Variants in DENND2B observed in about 807,000 individuals in gnomAD.
DENND2B encodes DENN domain containing 2B.
A neutral mutation model predicts 116.0 loss-of-function variants in DENND2B; 32 were observed. That is an observed-to-expected ratio of 0.28 (90% confidence interval 0.21 to 0.37). The LOEUF (loss-of-function observed/expected upper bound fraction) is 0.37, where lower values mean the gene tolerates loss of function less well. DENND2B is among the 10% of genes least tolerant of loss of function. The pLI is 1.00. For missense variants in DENND2B, 1,276 were observed against 1,477.7 expected (o/e 0.86, Z 2.24); for synonymous variants, 588 against 583.9 (o/e 1.01, Z -0.10).
At chr11:8,739,030 T>C (rs2049671955) in intron 2 of DENND2B, among the ~76,000 whole-genome samples, 1 of 152,160 alleles carries the variant, frequency 6.6e-6, no homozygotes, top group East Asian at 1.9e-4. Context: ...CACCTGAAGG[T>C]GGTAACAGTA....
chr11:8,821,478 T>C (rs949706076), intron 4 of DENND2B, among the ~76,000 whole-genome samples: 9 of 149,706 alleles, frequency 6.0e-5, no homozygotes, highest in African/African-American at 1.2e-4. Context: ...ACACAGGAGG[T>C]TGAAGTAGGA....
upstream of DENND2B, among the ~76,000 whole-genome samples, chr11:8,871,607 A>C (rs978025109): frequency 1.3e-5 from 2 of 152,164 alleles, no homozygotes; most frequent in Admixed American, 1.3e-4. Flanking sequence ...TACAAAACCC[A>C]AATGAAATTC....
intron 2 of DENND2B, chr11:8,877,531 T>A (rs1333464670): frequency 6.6e-6 from 1 of 152,214 alleles, no homozygotes; most frequent in African/African-American, 2.4e-5. Context: ...AAGATAATTT[T>A]TTATTGGAAG....
intron 2 of DENND2B, among the ~76,000 whole-genome samples, chr11:8,857,854 T>C (rs1329543482): frequency 2.0e-5 from 3 of 152,226 alleles, no homozygotes; most frequent in Non-Finnish European, 4.4e-5. Flanking sequence ...ATTGGACTAG[T>C]TCACCCTATA....
intron 4 of DENND2B, among the ~76,000 whole-genome samples, chr11:8,834,191 A>C (rs1448963381): frequency 6.6e-6 from 1 of 152,262 alleles, no homozygotes; most frequent in African/African-American, 2.4e-5. Context: ...CCTGGAACCT[A>C]GTACAGTTTG....
At chr11:8,766,837 T>C (rs1351913107) in intron 1 of DENND2B, 5 of 393,432 alleles carry the variant, frequency 1.3e-5, no homozygotes, top group South Asian at 2.3e-5. Flanking sequence ...AATACAGTTA[T>C]AGAACTGGAA....
At chr11:8,736,886 G>C (rs958404015) in intron 2 of DENND2B, among the ~76,000 whole-genome samples, 11 of 152,194 alleles carry the variant, frequency 7.2e-5, no homozygotes, top group African/African-American at 2.7e-4. Flanking sequence ...GATGTGAGCA[G>C]GACAGTGACA....
At chr11:8,718,018 G>T in intron 4 of DENND2B, 126 bp from the exon 5 acceptor site, 2 of 1,079,428 alleles carry the variant, frequency 1.9e-6, no homozygotes, top group Non-Finnish European at 2.6e-6. Flanking sequence ...TGGCCCCTCA[G>T]CTCATGAGTC....
chr11:8,834,700 C>G (rs1201655518), intron 4 of DENND2B, among the ~76,000 whole-genome samples: 1 of 152,176 alleles, frequency 6.6e-6, no homozygotes, highest in Non-Finnish European at 1.5e-5. Flanking sequence ...TCAGTCTCTT[C>G]TAGAGCAACT....
chr11:8,752,039 C>A (rs1016716409), intron 1 of DENND2B, among the ~76,000 whole-genome samples: 27 of 152,334 alleles, frequency 1.8e-4, no homozygotes, highest in African/African-American at 6.5e-4. Context: ...TGACCTCATG[C>A]AGCTTACATC....
At chr11:8,755,457 T>C (rs2053447757) in intron 1 of DENND2B, among the ~76,000 whole-genome samples, 1 of 152,102 alleles carries the variant, frequency 6.6e-6, no homozygotes, top group Non-Finnish European at 1.5e-5. Context: ...GCTCTCAGGG[T>C]TGTGGTTTTA....
At chr11:8,895,834 G>C (rs981884842) in intron 1 of DENND2B, among the ~76,000 whole-genome samples, 1 of 151,902 alleles carries the variant, frequency 6.6e-6, no homozygotes, top group Non-Finnish European at 1.5e-5. Flanking sequence ...ATGTTGACCA[G>C]GCTGGTCTTG....
intron 3 of DENND2B, among the ~76,000 whole-genome samples, chr11:8,728,012 A>G (rs894758856): frequency 7.2e-6 from 1 of 138,924 alleles, no homozygotes; most frequent in African/African-American, 2.8e-5. Context: ...CACACACGCA[A>G]ATTTTTTTGA....
chr11:8,820,265 T>C (rs1438422266), intron 4 of DENND2B, among the ~76,000 whole-genome samples: 3 of 152,128 alleles, frequency 2.0e-5, no homozygotes, highest in Non-Finnish European at 2.9e-5. Context: ...ATATTACCCA[T>C]AGAAAACAGT....
intron 2 of DENND2B, among the ~76,000 whole-genome samples, chr11:8,864,432 T>A (rs2063509512): frequency 6.6e-6 from 1 of 152,098 alleles, no homozygotes. Flanking sequence ...CACGCTCGGC[T>A]AATTTTTGTA....
intron 4 of DENND2B, among the ~76,000 whole-genome samples, chr11:8,817,116 G>T (rs1031852883): frequency 2.0e-5 from 3 of 152,340 alleles, no homozygotes; most frequent in African/African-American, 7.2e-5. Flanking sequence ...TGGCCTGGAA[G>T]AGGACTAAGG....
At chr11:8,750,586 T>A (rs1396809813) in intron 2 of DENND2B, 35 bp downstream of exon 2, 2 of 1,590,810 alleles carry the variant, frequency 1.3e-6, no homozygotes, top group Non-Finnish European at 1.7e-6. Context: ...CCTAGGTCCC[T>A]TGATGCCACC....
At chr11:8,900,203 A>C (rs1231488111) in intron 1 of DENND2B, among the ~76,000 whole-genome samples, 1 of 151,914 alleles carries the variant, frequency 6.6e-6, no homozygotes, top group East Asian at 1.9e-4. Flanking sequence ...AGGCGGGTAG[A>C]TCACAAGGTC....
chr11:8,714,886 T>C, intron 6 of DENND2B, 180 bp from the exon 7 acceptor site: 1 of 585,158 alleles, frequency 1.7e-6, no homozygotes, highest in Non-Finnish European at 3.0e-6. Flanking sequence ...CAGCCATGCA[T>C]GGTAGCTCTC....
Sources: gnomAD v4.1 joint callset for allele counts (sites outside exome capture counted in the v4.1 genomes callset) on GRCh38, gnomAD v4.1.1 for gene constraint, MANE v1.5 for transcripts, NCBI Gene and HGNC (gene_info 2026-07-23, HGNC 2026-07-21) for gene names.